Variants in RBFOX1 observed in about 807,000 individuals in gnomAD.
RBFOX1 encodes the protein RNA binding protein fox-1 homolog 1.
RBFOX1 carries 8 observed loss-of-function variants against 57.7 expected under a neutral mutation model. The observed-to-expected ratio is 0.14, with a 90% confidence interval of 0.08 to 0.25. RBFOX1 has a LOEUF of 0.25. RBFOX1 is among the 10% of genes least tolerant of loss of function. The probability of loss-of-function intolerance (pLI) is 1.00; values close to 1 mark genes in which losing one functional copy is unlikely to be tolerated. For synonymous variants in RBFOX1, 326 were observed against 222.4 expected, an observed-to-expected ratio of 1.47 and a Z score of -4.15; for missense variants, 611 against 548.5, an observed-to-expected ratio of 1.11 and a Z score of -1.14.
chr16:7,160,754 TTCCTCC>T (rs1252043605), intron 4 of RBFOX1, among the ~76,000 whole-genome samples: 1 of 151,520 alleles, frequency 6.6e-6, no homozygotes, highest in African/African-American at 2.4e-5. Context: ...CCTATGTCTA[TTCCTCC>T]TCCTCCTCCG....
At chr16:5,664,511 C>T (rs190389070) in intron 3 of RBFOX1, among the ~76,000 whole-genome samples, 19 of 152,116 alleles carry the variant, frequency 1.2e-4, no homozygotes, top group African/African-American at 4.1e-4. Context: ...TGCATCACTG[C>T]ACTCCAGCCT....
chr16:6,896,386 CT>C (rs1217965494), intron 3 of RBFOX1, among the ~76,000 whole-genome samples: 9 of 152,190 alleles, frequency 5.9e-5, no homozygotes, highest in Admixed American at 2.6e-4. Context: ...CTTTTTCTTT[CT>C]TTTTTTCTTT....
chr16:7,118,831 C>T (rs776577799), intron 4 of RBFOX1, among the ~76,000 whole-genome samples: 5 of 151,916 alleles, frequency 3.3e-5, no homozygotes, highest in Non-Finnish European at 5.9e-5. Flanking sequence ...ACCAGGGCAC[C>T]GAAAGAGAGA....
At chr16:6,648,363 C>T (rs12935406) in intron 2 of RBFOX1, among the ~76,000 whole-genome samples, 33,662 of 151,906 alleles carry the variant, frequency 0.22, 3,841 homozygotes, top group African/African-American at 0.27. Context: ...AACTGGCTCC[C>T]AGGGGCATCG....
chr16:5,352,220 C>G (rs796131665), intron 1 of RBFOX1, among the ~76,000 whole-genome samples: 5 of 152,288 alleles, frequency 3.3e-5, no homozygotes, highest in African/African-American at 1.2e-4. Context: ...CGCTGTGTGC[C>G]TCCTGCGCTT....
rs1861186 is a variant in RBFOX1 at position 6,309,336 on chromosome 16, C to T, written c.-126-7659C>T. Among the ~76,000 whole-genome samples, 1,268 of 152,282 alleles carry T rather than the reference C, an allele frequency of 8.3e-3. 22 individuals carry two copies. The highest frequency in any genetic ancestry group is 0.028 in the African/African-American group (1,175 of 41,552). ...ACCTCTGCTCTCTCTGGCCTTGAAT[C>T]TGAGCGTCTAAGGATTTCTTTGGAG... On this transcript the variant is annotated intron_variant, in intron 1 of 15. Transcript: ENST00000550418.
chr16:5,588,574 T>C (rs1015032006), intron 2 of RBFOX1, among the ~76,000 whole-genome samples: 1 of 152,186 alleles, frequency 6.6e-6, no homozygotes. Flanking sequence ...GTGGGCTGTT[T>C]TGTGTCTCTA....
chr16:7,212,126 G>A (rs531699441), intron 4 of RBFOX1, among the ~76,000 whole-genome samples: 73 of 152,302 alleles, frequency 4.8e-4, no homozygotes, highest in African/African-American at 1.7e-3. Context: ...TGGAAGGAAG[G>A]TGGATAGGAT....
chr16:7,193,865 G>T (rs1183313941), intron 4 of RBFOX1, among the ~76,000 whole-genome samples: 1 of 151,794 alleles, frequency 6.6e-6, no homozygotes, highest in Non-Finnish European at 1.5e-5. Flanking sequence ...ATGAAAGAAT[G>T]ACAGACTAAA....
intron 3 of RBFOX1, among the ~76,000 whole-genome samples, chr16:6,884,992 G>A (rs1034553906): frequency 6.6e-6 from 1 of 152,082 alleles, no homozygotes; most frequent in African/African-American, 2.4e-5. Flanking sequence ...CTAAAGCTTT[G>A]GTTGTTTTCA....
chr16:5,824,649 G>A (rs983776972), intron 3 of RBFOX1, among the ~76,000 whole-genome samples: 2 of 152,228 alleles, frequency 1.3e-5, no homozygotes, highest in African/African-American at 4.8e-5. Context: ...TGATTCCTAT[G>A]AAAACAAAAC....
At chr16:7,554,015 G>A (rs912829667) in intron 5 of RBFOX1, among the ~76,000 whole-genome samples, 5 of 152,154 alleles carry the variant, frequency 3.3e-5, no homozygotes, top group Non-Finnish European at 5.9e-5. Flanking sequence ...AGGCTGCAGT[G>A]AGGGGATCGC....
chr16:7,248,589 A>C (rs769090380), intron 4 of RBFOX1, among the ~76,000 whole-genome samples: 1 of 152,190 alleles, frequency 6.6e-6, no homozygotes, highest in Non-Finnish European at 1.5e-5. Context: ...TTCCAGAACT[A>C]GGCATTTCTT....
At chr16:7,309,290 G>T (rs552690547) in intron 4 of RBFOX1, among the ~76,000 whole-genome samples, 5 of 152,346 alleles carry the variant, frequency 3.3e-5, no homozygotes, top group Non-Finnish European at 5.9e-5. Flanking sequence ...GGGGTCATCT[G>T]TGCTTCCCCC....
rs190358454 is a variant in RBFOX1 at position 5,714,655 on chromosome 16, C to T, written c.318+115694C>T. 2.6e-5 allele frequency among the ~76,000 whole-genome samples: 4 copies of T among 152,310 alleles called. No individual in the cohort carries two copies. The East Asian group carries it at 7.7e-4, about 29-fold the overall frequency. ...GAAAGATGTGCTTAGTAACGGTTTT[C>T]ATTTGTCATCTCTGCAAGAGTATAA... On this transcript the variant is annotated intron_variant, in intron 3 of 19. Coordinates refer to the RBFOX1 transcript ENST00000641259.
chr16:5,361,281 T>C (rs1341579605), intron 1 of RBFOX1, among the ~76,000 whole-genome samples: 1 of 152,152 alleles, frequency 6.6e-6, no homozygotes, highest in Non-Finnish European at 1.5e-5. Context: ...ATGGGTATAG[T>C]TGCTGTCCAA....
intron 3 of RBFOX1, among the ~76,000 whole-genome samples, chr16:5,747,461 A>G (rs998611542): frequency 2.6e-5 from 4 of 152,182 alleles, no homozygotes; most frequent in Admixed American, 6.5e-5. Context: ...AAGGAATGGT[A>G]CCAGCTCCTT....
chr16:6,961,367 G>A (rs1372617607), intron 3 of RBFOX1, among the ~76,000 whole-genome samples: 1 of 152,098 alleles, frequency 6.6e-6, no homozygotes, highest in East Asian at 1.9e-4. Flanking sequence ...TGTTCAAACT[G>A]TAGTAATTTC....
chr16:7,662,333 G>A (rs1000676040), intron 12 of RBFOX1, among the ~76,000 whole-genome samples: 2 of 152,108 alleles, frequency 1.3e-5, no homozygotes, highest in Admixed American at 6.5e-5. Flanking sequence ...TCTGTTAATC[G>A]TATTTCTCCT....
Sources: gnomAD v4.1 joint callset for allele counts (sites outside exome capture counted in the v4.1 genomes callset) on GRCh38, gnomAD v4.1.1 for gene constraint, MANE v1.5 for transcripts, NCBI Gene and HGNC (gene_info 2026-07-23, HGNC 2026-07-21) for gene names.